Variants in STPG4 observed in about 807,000 individuals in gnomAD.
STPG4 encodes protein STPG4.
A neutral mutation model predicts 31.5 loss-of-function variants in STPG4; 41 were observed. The ratio of observed to expected loss-of-function variants is 1.30; its 90% CI spans 1.01 to 1.69. The LOEUF (loss-of-function observed/expected upper bound fraction) is 1.69, where lower values mean the gene tolerates loss of function less well. Among genes scored for constraint, STPG4 ranks in the 40% most tolerant of loss-of-function variants. The pLI is 0.00. For missense variants in STPG4, 375 were observed against 293.4 expected, an observed-to-expected ratio of 1.28 and a Z score of -2.03; for synonymous variants, 141 against 103.0, an observed-to-expected ratio of 1.37 and a Z score of -2.24.
At chr2:47,102,699 A>G (rs1331446407) in intron 5 of STPG4, among the ~76,000 whole-genome samples, 1 of 151,612 alleles carries the variant, frequency 6.6e-6, no homozygotes, top group African/African-American at 2.4e-5. Flanking sequence ...CCCAGAAGGA[A>G]GTAAGCAAAG....
chr2:47,110,051 C>T (rs1438437615), intron 5 of STPG4, among the ~76,000 whole-genome samples: 2 of 148,066 alleles, frequency 1.4e-5, no homozygotes, highest in Admixed American at 6.6e-5. Flanking sequence ...AAGAAACCCA[C>T]TTTTTTTTGT....
At chr2:47,117,928 ATAT>A (rs1558678867) in intron 5 of STPG4, among the ~76,000 whole-genome samples, 1 of 54,722 alleles carries the variant, frequency 1.8e-5, no homozygotes. Context: ...ATATATATAT[ATAT>A]TTTTTTTTTA....
chr2:47,126,732 T>C (rs1201214650), intron 5 of STPG4, among the ~76,000 whole-genome samples: 3 of 152,164 alleles, frequency 2.0e-5, no homozygotes, highest in Non-Finnish European at 2.9e-5. Flanking sequence ...GCCTTAGCTT[T>C]GGTTGTCTGG....
At chr2:47,140,071 GC>G (rs1686673271) in intron 3 of STPG4, among the ~76,000 whole-genome samples, 1 of 152,162 alleles carries the variant, frequency 6.6e-6, no homozygotes, top group South Asian at 2.1e-4. Context: ...ACAGCACCCA[GC>G]TGCAGTATCA....
At chr2:47,090,764 G>C (rs952644082) in intron 5 of STPG4, among the ~76,000 whole-genome samples, 2 of 152,168 alleles carry the variant, frequency 1.3e-5, no homozygotes, top group African/African-American at 4.8e-5. Flanking sequence ...CAAGCTGTTA[G>C]CTTTATAAAA....
At chr2:47,093,356 G>A (rs1424618000) in intron 5 of STPG4, among the ~76,000 whole-genome samples, 5 of 152,180 alleles carry the variant, frequency 3.3e-5, no homozygotes, top group Admixed American at 3.3e-4. Context: ...TGTGAATTCT[G>A]TACTCACATT....
At chr2:47,095,706 C>G (rs1685657415) in intron 5 of STPG4, among the ~76,000 whole-genome samples, 1 of 152,172 alleles carries the variant, frequency 6.6e-6, no homozygotes, top group Non-Finnish European at 1.5e-5. Flanking sequence ...GCTGCTCTCT[C>G]TTCATTTCTT....
chr2:47,151,152 G>A lies in STPG4; in HGVS notation c.399+106C>T, dbSNP rs1686926752. Reference sequence around the variant, plus strand: ...CTACGGGAAATAAGACATCTTAAAGGTTTTCCATTTCTCCTGGGGGAAGAT... The same window carrying A: ...CTACGGGAAATAAGACATCTTAAAGATTTTCCATTTCTCCTGGGGGAAGAT... On this transcript the variant is annotated intron_variant, in intron 3 of 6. Coordinates refer to ENST00000445927, the MANE Select transcript of STPG4 (RefSeq NM_001163561.2). The A allele has an allele frequency of 1.0e-5, 14 of 1,363,328 alleles. No individual in the cohort carries two copies. In the South Asian group the frequency reaches 1.9e-4, roughly 18 times the overall value. 84.5% of individuals were successfully genotyped at this position (1,363,328 alleles called of 1,614,324 possible).
Position 47,116,180 on chromosome 2 carries a change from C to T in STPG4, c.519+13761G>A, listed in dbSNP as rs151238808. ...GCTGGCCTATGCTATGGTTTGAATG[C>T]GTCCCCTCCAAAATTCAGGCATTGT... On this transcript the variant is annotated intron_variant, in intron 5 of 6. Transcript: ENST00000445927. Among the ~76,000 whole-genome samples the T allele has an allele frequency of 2.1e-3, 319 of 152,280 alleles. 3 individuals carry two copies. The highest frequency in any genetic ancestry group is 6.9e-3 in the African/African-American group (288 of 41,546).
intron 5 of STPG4, among the ~76,000 whole-genome samples, chr2:47,110,553 C>T (rs1686014139): frequency 6.6e-6 from 1 of 152,174 alleles, no homozygotes; most frequent in Admixed American, 6.5e-5. Flanking sequence ...AAGATGGCAC[C>T]ACTGCACTCC....
intron 3 of STPG4, among the ~76,000 whole-genome samples, chr2:47,131,173 G>C (rs548180624): frequency 6.6e-6 from 1 of 151,376 alleles, no homozygotes; most frequent in South Asian, 2.1e-4. Context: ...GTTGCCCACG[G>C]TGGAGTGCAG....
chr2:47,139,616 T>C (rs985573660), intron 3 of STPG4, among the ~76,000 whole-genome samples: 5 of 152,146 alleles, frequency 3.3e-5, no homozygotes, highest in Non-Finnish European at 5.9e-5. Context: ...CAGGAAGTTA[T>C]TTGCTTCTTT....
chr2:47,135,212 A>C (rs1399734610), intron 3 of STPG4, among the ~76,000 whole-genome samples: 1 of 152,110 alleles, frequency 6.6e-6, no homozygotes, highest in Admixed American at 6.6e-5. Context: ...CAATTTATTA[A>C]TTATTTCTTT....
At chr2:47,150,126 T>C in intron 3 of STPG4, among the ~76,000 whole-genome samples, 1 of 152,232 alleles carries the variant, frequency 6.6e-6, no homozygotes, top group Non-Finnish European at 1.5e-5. Flanking sequence ...TATTTCAGAA[T>C]GCTTAAGAAG....
At chr2:47,116,762 T>G (rs1686161416) in intron 5 of STPG4, among the ~76,000 whole-genome samples, 1 of 152,198 alleles carries the variant, frequency 6.6e-6, no homozygotes, top group Middle Eastern at 3.2e-3. Context: ...TTCCTCATTT[T>G]GGGAGCTTAT....
intron 5 of STPG4, among the ~76,000 whole-genome samples, chr2:47,124,764 C>A (rs1159205675): frequency 5.3e-5 from 8 of 152,120 alleles, no homozygotes; most frequent in Admixed American, 4.6e-4. Context: ...ATACTGATTT[C>A]TTTTCTTTTG....
chr2:47,100,516 G>T (rs7371532), intron 5 of STPG4, among the ~76,000 whole-genome samples: 3 of 145,058 alleles, frequency 2.1e-5, no homozygotes, highest in Non-Finnish European at 4.6e-5. Context: ...AGCAGGATGT[G>T]GGTGGGGCCA....
chr2:47,135,253 A>G (rs1686573097), intron 3 of STPG4, among the ~76,000 whole-genome samples: 1 of 152,188 alleles, frequency 6.6e-6, no homozygotes, highest in Admixed American at 6.5e-5. Flanking sequence ...TAGGATCTAA[A>G]CTCAAAGTCG....
intron 3 of STPG4, among the ~76,000 whole-genome samples, chr2:47,142,681 G>A (rs1488041898): frequency 6.6e-6 from 1 of 151,668 alleles, no homozygotes; most frequent in East Asian, 1.9e-4. Context: ...ATTTCTCAGG[G>A]GAAAAAAGTA....
Sources: gnomAD v4.1 joint callset for allele counts (sites outside exome capture counted in the v4.1 genomes callset) on GRCh38, gnomAD v4.1.1 for gene constraint, MANE v1.5 for transcripts, NCBI Gene and HGNC (gene_info 2026-07-23, HGNC 2026-07-21) for gene names.